PELI1: variants seen among roughly 807,000 people sequenced by gnomAD.
The protein encoded by PELI1 is E3 ubiquitin-protein ligase pellino homolog 1.
A neutral mutation model predicts 41.3 loss-of-function variants in PELI1; 15 were observed. The observed-to-expected ratio is 0.36, with a 90% CI of 0.24 to 0.56. The LOEUF (loss-of-function observed/expected upper bound fraction) is 0.56, where lower values mean the gene tolerates loss of function less well. Ranked by LOEUF, PELI1 falls within the 20% of genes least tolerant of loss-of-function variation. The pLI, the probability that PELI1 is intolerant of heterozygous loss-of-function variation, is 0.82. For missense variants in PELI1, 403 were observed against 525.5 expected (o/e 0.77, Z 2.28); for synonymous variants, 178 against 180.1 (o/e 0.99, Z 0.09).
At chr2:64,120,260 C>T (rs1681162906) in intron 1 of PELI1, among the ~76,000 whole-genome samples, 2 of 152,152 alleles carry the variant, frequency 1.3e-5, no homozygotes, top group Non-Finnish European at 2.9e-5. Context: ...AAAGTACTGC[C>T]TGCTACTCCA....
intron 1 of PELI1, among the ~76,000 whole-genome samples, chr2:64,140,957 C>A (rs1487395480): frequency 1.3e-5 from 2 of 151,920 alleles, no homozygotes; most frequent in Non-Finnish European, 2.9e-5. Flanking sequence ...TAAGCACTTC[C>A]CCTCCCCCAC....
At chr2:64,137,291 AG>A (rs1681747274) in intron 1 of PELI1, among the ~76,000 whole-genome samples, 1 of 152,362 alleles carries the variant, frequency 6.6e-6, no homozygotes, top group East Asian at 1.9e-4. Flanking sequence ...CTTAAGAACC[AG>A]ATTCATCTCT....
At chr2:64,124,890 T>C (rs1681336288) in intron 1 of PELI1, among the ~76,000 whole-genome samples, 1 of 152,072 alleles carries the variant, frequency 6.6e-6, no homozygotes, top group Non-Finnish European at 1.5e-5. Flanking sequence ...CCAATCAAAG[T>C]CCCAAACCAC....
At chr2:64,107,231 C>T (rs530911791) in intron 2 of PELI1, among the ~76,000 whole-genome samples, 4 of 152,272 alleles carry the variant, frequency 2.6e-5, no homozygotes, top group African/African-American at 7.2e-5. Flanking sequence ...TGCACCTGGC[C>T]TAAAATGAGC....
intron 3 of PELI1, among the ~76,000 whole-genome samples, chr2:64,102,264 T>A (rs1445720561): frequency 7.1e-6 from 1 of 140,500 alleles, no homozygotes; most frequent in African/African-American, 2.7e-5. Context: ...TTTACATATT[T>A]CTTTCTACAC....
At chr2:64,124,059 T>A (rs1397768183) in intron 1 of PELI1, among the ~76,000 whole-genome samples, 1 of 152,196 alleles carries the variant, frequency 6.6e-6, no homozygotes, top group East Asian at 1.9e-4. Flanking sequence ...TATTGTATGA[T>A]TCCATTTATA....
At chr2:64,095,863 G>A (rs998775842) in intron 6 of PELI1, among the ~76,000 whole-genome samples, 1 of 152,048 alleles carries the variant, frequency 6.6e-6, no homozygotes, top group Non-Finnish European at 1.5e-5. Context: ...GGCTGGTCTC[G>A]AACTCCTGAT....
At chr2:64,099,191 C>A (rs2103668062) in intron 4 of PELI1, among the ~76,000 whole-genome samples, 1 of 151,896 alleles carries the variant, frequency 6.6e-6, no homozygotes, top group South Asian at 2.1e-4. Flanking sequence ...CACACACACA[C>A]ACACACACAC....
chr2:64,142,880 C>A (rs919287962), intron 1 of PELI1, among the ~76,000 whole-genome samples: 1 of 152,118 alleles, frequency 6.6e-6, no homozygotes, highest in Non-Finnish European at 1.5e-5. Flanking sequence ...GCAATGAAAA[C>A]AAAGTAACAT....
chr2:64,113,338 A>T (rs1188288944), intron 1 of PELI1, among the ~76,000 whole-genome samples: 1 of 152,010 alleles, frequency 6.6e-6, no homozygotes, highest in Non-Finnish European at 1.5e-5. Flanking sequence ...TGTACTTGAG[A>T]ACTTTAAATG....
intron 3 of PELI1, among the ~76,000 whole-genome samples, chr2:64,101,814 T>C: frequency 6.7e-6 from 1 of 148,342 alleles, no homozygotes; most frequent in East Asian, 2.0e-4. Flanking sequence ...TACTGCCACT[T>C]TTGCTTCTGA....
intron 1 of PELI1, among the ~76,000 whole-genome samples, chr2:64,125,965 C>T (rs769676130): frequency 9.2e-5 from 14 of 152,234 alleles, no homozygotes; most frequent in Middle Eastern, 3.4e-3. Flanking sequence ...GGTCCCATCC[C>T]GAAGATATCT....
At chr2:64,130,143 G>C (rs1681510061) in intron 1 of PELI1, among the ~76,000 whole-genome samples, 1 of 152,014 alleles carries the variant, frequency 6.6e-6, no homozygotes, top group Non-Finnish European at 1.5e-5. Context: ...CCAATTTAAA[G>C]TGACATGGTT....
intron 6 of PELI1, 89 bp downstream of exon 6, chr2:64,096,034 AAG>A (rs1198759749): frequency 1.2e-6 from 1 of 867,384 alleles, no homozygotes; most frequent in Non-Finnish European, 1.8e-6. Context: ...CAATAGATTT[AAG>A]AGTTTTCTGG....
intron 1 of PELI1, among the ~76,000 whole-genome samples, chr2:64,131,425 T>C (rs1165406508): frequency 1.3e-5 from 2 of 152,112 alleles, no homozygotes; most frequent in Non-Finnish European, 2.9e-5. Flanking sequence ...GTTGTTATAC[T>C]GTACTTTTTA....
At chr2:64,133,889 G>T (rs1347887971) in intron 1 of PELI1, among the ~76,000 whole-genome samples, 1 of 152,018 alleles carries the variant, frequency 6.6e-6, no homozygotes, top group African/African-American at 2.4e-5. Flanking sequence ...TATGTTAAAA[G>T]ATTTAAAATG....
At chr2:64,140,881 T>C (rs1228429199) in intron 1 of PELI1, among the ~76,000 whole-genome samples, 1 of 149,380 alleles carries the variant, frequency 6.7e-6, no homozygotes, top group South Asian at 2.1e-4. Flanking sequence ...TGTCTTGAGG[T>C]TCCCACACAT....
intron 1 of PELI1, among the ~76,000 whole-genome samples, chr2:64,139,890 C>T (rs1327711925): frequency 2.0e-5 from 3 of 152,182 alleles, no homozygotes; most frequent in Non-Finnish European, 4.4e-5. Context: ...AGATTTGGTA[C>T]CCCAAACGAA....
Position 64,094,621 on chromosome 2 carries a change from CTG to C in PELI1, c.*79_*80del, listed in dbSNP as rs1680164050. The C allele has an allele frequency of 2.2e-6, 2 of 909,548 alleles. No individual in the cohort carries two copies. Among genetic ancestry groups the C allele is most frequent in the Non-Finnish European group, 3.4e-6 (2 of 587,006 alleles). 56.3% of individuals were successfully genotyped at this position (909,548 alleles called of 1,614,324 possible). On this transcript the variant is annotated 3_prime_UTR_variant, in exon 7 of 7. Transcript: ENST00000358912. ...AATGCAAATGACCAGAGCAGAAAAACTGTGACGTGGACAACAGGTTCGAAAAC... is the reference window on the plus strand; with the variant it reads ...AATGCAAATGACCAGAGCAGAAAAACTGACGTGGACAACAGGTTCGAAAAC...
Sources: allele counts gnomAD v4.1 joint callset (sites outside exome capture counted in the v4.1 genomes callset), GRCh38; gene constraint gnomAD v4.1.1; transcripts MANE v1.5; gene names NCBI Gene and HGNC (gene_info 2026-07-23, HGNC 2026-07-21).